WNT2B: variants seen among roughly 807,000 people sequenced by gnomAD.
WNT2B encodes protein Wnt-2b.
In WNT2B, 19 loss-of-function variants were observed where a neutral mutation model predicts 40.5. The ratio of observed to expected loss-of-function variants is 0.47; its 90% CI spans 0.33 to 0.69. WNT2B has a LOEUF of 0.69. Among genes scored for constraint, WNT2B ranks in the 30% least tolerant of loss-of-function variants. WNT2B has a pLI of 0.02. For synonymous variants in WNT2B, 220 were observed against 211.9 expected (o/e 1.04, Z -0.33); for missense variants, 467 against 556.4 (o/e 0.84, Z 1.62).
chr1:112,487,187 A>C (rs1651443990), intron 1 of WNT2B, among the ~76,000 whole-genome samples: 1 of 152,246 alleles, frequency 6.6e-6, no homozygotes, highest in Non-Finnish European at 1.5e-5. Flanking sequence ...TAGTGAAAGA[A>C]GACATTTAAA....
chr1:112,493,387 C>G (rs1651661753), intron 1 of WNT2B, among the ~76,000 whole-genome samples: 1 of 152,070 alleles, frequency 6.6e-6, no homozygotes, highest in African/African-American at 2.4e-5. Context: ...CTTCAGGAGG[C>G]TGGGAGGATT....
In WNT2B at chr1:112,526,986, G is replaced by GCAGA. The variant is rs1653550942; in HGVS notation, c.*6481_*6484dup. ...CCTGCAGAGAAACCCATGAGATGAG[G>GCAGA]CAGACAGCAGATTTTCACTTGATCA... On this transcript the variant is annotated 3_prime_UTR_variant, in exon 5 of 5. Transcript: ENST00000369684. 6.6e-6 allele frequency: 1 copy of GCAGA among 152,172 alleles called. No individual in the cohort carries two copies. The highest frequency in any genetic ancestry group is 1.5e-5 in the Non-Finnish European group (1 of 68,054). The allele number at this position is 152,172 out of a possible 1,614,324, so 9.4% of individuals were successfully genotyped here.
intron 1 of WNT2B, among the ~76,000 whole-genome samples, chr1:112,474,289 G>A (rs1273564188): frequency 6.7e-6 from 1 of 149,988 alleles, no homozygotes; most frequent in East Asian, 2.0e-4. Context: ...GGGACTACAG[G>A]TGTGAGCCAC....
Position 112,526,115 on chromosome 1 carries a change from C to A in WNT2B, c.*5606C>A, listed in dbSNP as rs369053015. On this transcript the variant is annotated 3_prime_UTR_variant, in exon 5 of 5. Coordinates refer to ENST00000369684, the MANE Select transcript of WNT2B (RefSeq NM_024494.3). ...GGGGGCACCAGAGTCCCAGCACCTT[C>A]AAAACAGAAATTGATACAAAATGTT... 23 of 1,613,892 alleles carry A rather than the reference C, an allele frequency of 1.4e-5. No individual in the cohort carries two copies. In the African/African-American group the frequency reaches 2.9e-4, roughly 21 times the overall value.
rs759939577 is a variant in WNT2B at position 112,517,207 on chromosome 1, A to C, written c.768A>C (p.Ser256=). ...TGCGCACCTGCTGGCGTGCACTCTC[A>C]GATTTCCGCCGCACAGGTGATTACC... ...CTLRTCWRAL[S]DFRRTGDYLR... The change falls in exon 4 of 5, where the codon TCA becomes TCC. Residue 256 remains serine, a synonymous_variant. Transcript: ENST00000369684. 1.2e-6 allele frequency: 2 copies of C among 1,614,204 alleles called. No homozygotes were observed. Among genetic ancestry groups the C allele is most frequent in the Non-Finnish European group, 1.7e-6 (2 of 1,180,044 alleles).
At chr1:112,493,783 A>G (rs544713899) in intron 1 of WNT2B, among the ~76,000 whole-genome samples, 1 of 152,182 alleles carries the variant, frequency 6.6e-6, no homozygotes, top group African/African-American at 2.4e-5. Context: ...ATTTGAAGCA[A>G]TGACTGTGAA....
At chr1:112,467,335 A>G in exon 1 of WNT2B, 1 of 531,146 alleles carries the variant, frequency 1.9e-6, no homozygotes, top group Non-Finnish European at 3.4e-6. Flanking sequence ...GCCTGAATTG[A>G]GGAGCATCAT....
At chr1:112,487,788 C>T (rs1317332405) in intron 1 of WNT2B, among the ~76,000 whole-genome samples, 3 of 151,522 alleles carry the variant, frequency 2.0e-5, no homozygotes, top group Non-Finnish European at 4.4e-5. Context: ...CAAAAATTAG[C>T]CAGGCATGGT....
At chr1:112,474,383 C>T (rs1225080313) in intron 1 of WNT2B, among the ~76,000 whole-genome samples, 1 of 152,040 alleles carries the variant, frequency 6.6e-6, no homozygotes, top group African/African-American at 2.4e-5. Context: ...CTCCTGACCT[C>T]GTGATCTGCC....
In WNT2B at chr1:112,508,978, G is replaced by A; in HGVS notation, c.-285G>A. On this transcript the variant is annotated 5_prime_UTR_variant, in exon 1 of 5. Transcript: ENST00000369684. The surrounding 1 kb of genome is among the most constrained non-coding windows in gnomAD (Gnocchi z 4.2). Reference sequence around the variant, plus strand: ...AAGGGGCTGTCCGCACACTAGGCCCGCAGCTCCCTTCAGCGCCGCAGACCC... The same window carrying A: ...AAGGGGCTGTCCGCACACTAGGCCCACAGCTCCCTTCAGCGCCGCAGACCC... 7.9e-7 allele frequency: 1 copy of A among 1,264,560 alleles called. No homozygotes were observed. The highest frequency in any genetic ancestry group is 9.9e-7 in the Non-Finnish European group (1 of 1,007,976). The allele number at this position is 1,264,560 out of a possible 1,614,324, so 78.3% of individuals were successfully genotyped here.
At position 112,527,244 on chromosome 1, in the gene WNT2B, G is replaced by C. The variant is rs1302326905; in HGVS notation, c.*6735G>C. The C allele has an allele frequency of 6.6e-6, 1 of 152,326 alleles. No homozygotes were observed. The highest frequency in any genetic ancestry group is 1.5e-5 in the Non-Finnish European group (1 of 68,138). 9.4% of individuals were successfully genotyped at this position (152,326 alleles called of 1,614,324 possible). ...ACAATGTTCATCAATCATAGCTCTG[G>C]GATGCTGCAGCTCCCTGACCTGGGC... On this transcript the variant is annotated 3_prime_UTR_variant, in exon 5 of 5. Transcript: ENST00000369684.
rs1369741379 is a variant in WNT2B at position 112,528,888 on chromosome 1, T to C, written c.*8379T>C. 1 of 152,206 alleles carries C rather than the reference T, an allele frequency of 6.6e-6. No homozygotes were observed. Among genetic ancestry groups the C allele is most frequent in the African/African-American group, 2.4e-5 (1 of 41,456 alleles). 9.4% of individuals were successfully genotyped at this position (152,206 alleles called of 1,614,324 possible). On this transcript the variant is annotated 3_prime_UTR_variant, in exon 5 of 5. Transcript: ENST00000369684. Reference sequence around the variant, plus strand: ...CAGCTCACTAATAAATGAGGAACTTTATTCTAATTTACTACCAGGGGCTGA... The same window carrying C: ...CAGCTCACTAATAAATGAGGAACTTCATTCTAATTTACTACCAGGGGCTGA...
chr1:112,491,810 G>A (rs1248242085), intron 1 of WNT2B, among the ~76,000 whole-genome samples: 6 of 152,160 alleles, frequency 3.9e-5, no homozygotes. Context: ...AGGATCACTT[G>A]AGCCTGGGAA....
At chr1:112,495,133 G>C (rs1322737861) in intron 1 of WNT2B, among the ~76,000 whole-genome samples, 1 of 151,384 alleles carries the variant, frequency 6.6e-6, no homozygotes, top group African/African-American at 2.5e-5. Flanking sequence ...AAAAAAATAA[G>C]TATAACTAAT....
chr1:112,520,334 G>A lies in WNT2B; in HGVS notation c.1001G>A (p.Gly334Asp), dbSNP rs368029359. ...AGCAAGACATCAAAAGGAACAGACG[G>A]TTGTGAAATCATGTGCTGTGGCCGA... ...VCSKTSKGTD[G>D]CEIMCCGRGY... is the part of the protein sequence containing the mutation. The change falls in exon 5 of 5, where the codon GGT (glycine) becomes GAT (aspartate). Residue 334 changes from glycine to aspartate, a missense_variant. Gly to Asp is a moderately conservative substitution (Grantham distance 94, BLOSUM62 -1). Around this residue, in one of 2 missense-constraint regions of WNT2B, gnomAD observed 330 missense variants for 438.6 expected, o/e 0.75. Transcript: ENST00000369684. 3 of 1,614,048 alleles carry A rather than the reference G, an allele frequency of 1.9e-6. No individual in the cohort carries two copies. Among genetic ancestry groups the A allele is most frequent in the African/African-American group, 1.3e-5 (1 of 74,920 alleles).
At chr1:112,471,799 A>G (rs1650887716) in intron 1 of WNT2B, among the ~76,000 whole-genome samples, 1 of 152,234 alleles carries the variant, frequency 6.6e-6, no homozygotes, top group Non-Finnish European at 1.5e-5. Context: ...GAACACATCT[A>G]TAGAAAATTC....
chr1:112,486,885 TACA>T (rs1273529938), intron 1 of WNT2B, among the ~76,000 whole-genome samples: 3 of 152,224 alleles, frequency 2.0e-5, no homozygotes, highest in South Asian at 4.1e-4. Context: ...GTATAAATGA[TACA>T]ACAACTTTGG....
chr1:112,473,428 G>T (rs1206381128), intron 1 of WNT2B, among the ~76,000 whole-genome samples: 3 of 151,944 alleles, frequency 2.0e-5, no homozygotes, highest in Admixed American at 2.0e-4. Context: ...TTCTAGAGAT[G>T]AAAATCCCAG....
intron 4 of WNT2B, among the ~76,000 whole-genome samples, chr1:112,519,791 T>C (rs1279412707): frequency 6.6e-6 from 1 of 152,146 alleles, no homozygotes; most frequent in African/African-American, 2.4e-5. Flanking sequence ...AAGTTAATGT[T>C]TCATTTTGAC....
Sources: gnomAD v4.1 joint callset for allele counts (sites outside exome capture counted in the v4.1 genomes callset) on GRCh38, gnomAD v4.1.1 for gene constraint, gnomAD v4.1.1 regional missense constraint, Gnocchi (gnomAD v3.1) non-coding constraint, MANE v1.5 for transcripts, NCBI Gene and HGNC (gene_info 2026-07-23, HGNC 2026-07-21) for gene names.